The following FUT8 variants were observed in gnomAD, a reference collection of about 807,000 sequenced individuals.
FUT8 encodes the protein alpha-(1,6)-fucosyltransferase.
A neutral mutation model predicts 71.3 loss-of-function variants in FUT8; 29 were observed. That is an observed-to-expected ratio of 0.41 (90% CI 0.30 to 0.55). The LOEUF is 0.55. FUT8 is among the 20% of genes least tolerant of loss of function. The pLI, the probability that FUT8 is intolerant of heterozygous loss-of-function variation, is 0.34. For missense variants in FUT8, 544 were observed against 702.1 expected (o/e 0.77, Z 2.55); for synonymous variants, 254 against 239.3 (o/e 1.06, Z -0.57).
At chr14:65,733,143 G>A (rs918456067) in intron 9 of FUT8, 88 bp from the exon 10 acceptor site, 1 of 772,010 alleles carries the variant, frequency 1.3e-6, no homozygotes, top group Non-Finnish European at 2.0e-6. Flanking sequence ...TCCTTTCTGT[G>A]AGAAGCTCTT....
Position 65,472,909 on chromosome 14 carries a change from AG to A in FUT8, c.-228+17192del, listed in dbSNP as rs2066171065. Among the ~76,000 whole-genome samples, 1 of 152,296 alleles carries A rather than the reference AG, an allele frequency of 6.6e-6. No individual in the cohort carries two copies. The highest frequency in any genetic ancestry group is 1.9e-4 in the East Asian group (1 of 5,192). Reference sequence around the variant, plus strand: ...AAGACATTGTTGTAAATTAAATGTAAGATATAATTTTATTTTCTTTAGAAAA... The same window carrying A: ...AAGACATTGTTGTAAATTAAATGTAAATATAATTTTATTTTCTTTAGAAAA... On this transcript the variant is annotated intron_variant, in intron 2 of 10. Transcript: ENST00000673929. This position sits in a 1 kb window ranked among gnomAD's most constrained non-coding sequence, Gnocchi z 4.4.
the FUT8 span, among the ~76,000 whole-genome samples, chr14:65,398,514 T>A: frequency 1.5e-3 from 221 of 152,014 alleles, no homozygotes; most frequent in African/African-American, 5.1e-3. Flanking sequence ...GGCGGGTGGA[T>A]CACAAGGTCA....
At chr14:65,622,964 C>T (rs894794263) in intron 5 of FUT8, among the ~76,000 whole-genome samples, 1 of 146,524 alleles carries the variant, frequency 6.8e-6, no homozygotes, top group Non-Finnish European at 1.5e-5. Context: ...GGCTGGAGCA[C>T]AGTGGTGCAA....
the FUT8 span, among the ~76,000 whole-genome samples, chr14:65,390,343 T>G: frequency 6.7e-6 from 1 of 148,322 alleles, no homozygotes; most frequent in East Asian, 2.0e-4. Context: ...AAAAAATACA[T>G]GCTTGTAAGT....
the FUT8 span, among the ~76,000 whole-genome samples, chr14:65,359,870 G>A: frequency 6.6e-6 from 1 of 151,952 alleles, no homozygotes; most frequent in Admixed American, 6.6e-5. Context: ...CTATCACCCA[G>A]GCTGGAGTGC....
chr14:65,615,398 C>T lies in FUT8; in HGVS notation c.204-580C>T, dbSNP rs74997778. ...CTGGGATTATAGGCATGAGTGGCTACACCTGGCCCAATTTTTTTCTAATAT... is the reference window on the plus strand; with the variant it reads ...CTGGGATTATAGGCATGAGTGGCTATACCTGGCCCAATTTTTTTCTAATAT... On this transcript the variant is annotated intron_variant, in intron 3 of 10. Transcript: ENST00000673929. Among the ~76,000 whole-genome samples the T allele has an allele frequency of 7.8e-3, 1,188 of 152,270 alleles. 8 individuals carry two copies. Among genetic ancestry groups the T allele is most frequent in the African/African-American group, 0.024 (987 of 41,558 alleles).
chr14:65,373,314 C>T, the FUT8 span, among the ~76,000 whole-genome samples: 1 of 151,176 alleles, frequency 6.6e-6, no homozygotes, highest in Non-Finnish European at 1.5e-5. Context: ...CCTGTCATGT[C>T]CCCCTATCCT....
rs188711949 is a variant in FUT8, at chr14:65,658,766, G to A, written c.598-10477G>A. 3.2e-3 allele frequency among the ~76,000 whole-genome samples: 486 copies of A among 152,156 alleles called. 2 individuals carry two copies. Among genetic ancestry groups the A allele is most frequent in the African/African-American group, 0.01 (436 of 41,546 alleles). On this transcript the variant is annotated intron_variant, in intron 6 of 10. Coordinates refer to ENST00000673929, the MANE Select transcript of FUT8 (RefSeq NM_001371533.1). ...CAGAGATTAAGATTTGGGGAAGAGT[G>A]TACCTCTAAATTGGAAGTATAAGGG...
intron 10 of FUT8, among the ~76,000 whole-genome samples, chr14:65,740,288 T>C (rs1018330480): frequency 6.6e-6 from 1 of 150,842 alleles, no homozygotes; most frequent in South Asian, 2.1e-4. Context: ...TCACTTAATC[T>C]CCTTGTGTTT....
At chr14:65,509,637 C>T (rs1882202613) in intron 2 of FUT8, among the ~76,000 whole-genome samples, 1 of 151,964 alleles carries the variant, frequency 6.6e-6, no homozygotes, top group African/African-American at 2.4e-5. Flanking sequence ...TCTTTCACTT[C>T]TTTGGTTAAT....
intron 7 of FUT8, among the ~76,000 whole-genome samples, chr14:65,715,974 C>CT (rs1895034286): frequency 2.4e-5 from 3 of 127,034 alleles, no homozygotes; most frequent in East Asian, 2.5e-4. Flanking sequence ...GACCCTCTCT[C>CT]AAAAAAAAAA....
chr14:65,414,691 A>G (rs1016965819), intron 1 of FUT8, among the ~76,000 whole-genome samples: 1 of 152,238 alleles, frequency 6.6e-6, no homozygotes, highest in Non-Finnish European at 1.5e-5. Flanking sequence ...TAAGACACGT[A>G]CAAAGGTAGT....
In FUT8 at chr14:65,638,863, C is replaced by T. The variant is rs900694064; in HGVS notation, c.597+9257C>T. 2.0e-5 allele frequency among the ~76,000 whole-genome samples: 3 copies of T among 152,088 alleles called. No individual in the cohort carries two copies. Among genetic ancestry groups the T allele is most frequent in the Non-Finnish European group, 2.9e-5 (2 of 68,010 alleles). ...AGATTGCATTTGTATTTCCGCCTAA[C>T]CAAAATAAAGCCAGAAGTGGTAATA... On this transcript the variant is annotated intron_variant, in intron 6 of 10. Coordinates refer to ENST00000673929, the MANE Select transcript of FUT8 (RefSeq NM_001371533.1). The surrounding 1 kb of genome is among the most constrained non-coding windows in gnomAD (Gnocchi z 4.5).
intron 7 of FUT8, among the ~76,000 whole-genome samples, chr14:65,714,642 G>C (rs1894967241): frequency 6.6e-6 from 1 of 151,968 alleles, no homozygotes; most frequent in African/African-American, 2.4e-5. Context: ...TTTTCATAGG[G>C]ATTGCATTGA....
intron 3 of FUT8, among the ~76,000 whole-genome samples, chr14:65,571,556 C>G (rs1173097580): frequency 6.6e-6 from 1 of 152,094 alleles, no homozygotes; most frequent in Non-Finnish European, 1.5e-5. Context: ...TACACCTGTT[C>G]TATGAATACA....
At chr14:65,423,047 G>A (rs1213685460) in intron 1 of FUT8, among the ~76,000 whole-genome samples, 4 of 147,522 alleles carry the variant, frequency 2.7e-5, no homozygotes, top group African/African-American at 7.5e-5. Context: ...GTGCAGTGGC[G>A]CGATCTCGGC....
At chr14:65,394,084 G>A in the FUT8 span, among the ~76,000 whole-genome samples, 7 of 152,128 alleles carry the variant, frequency 4.6e-5, no homozygotes, top group East Asian at 1.9e-4. Context: ...AGCCTCCCAC[G>A]TAGCTGGGAT....
At chr14:65,520,098 C>T (rs1031833830) in intron 2 of FUT8, among the ~76,000 whole-genome samples, 1 of 152,142 alleles carries the variant, frequency 6.6e-6, no homozygotes, top group Non-Finnish European at 1.5e-5. Flanking sequence ...CATTTAACAA[C>T]ATTTACCTGT....
At chr14:65,573,290 T>G (rs370705312) in intron 3 of FUT8, among the ~76,000 whole-genome samples, 9 of 152,216 alleles carry the variant, frequency 5.9e-5, no homozygotes, top group South Asian at 4.2e-4. Context: ...TAAGGTAAGA[T>G]CATGCTTTCT....
Sources: gnomAD v4.1 joint callset for allele counts (sites outside exome capture counted in the v4.1 genomes callset) on GRCh38, gnomAD v4.1.1 for gene constraint, Gnocchi (gnomAD v3.1) non-coding constraint, MANE v1.5 for transcripts, NCBI Gene and HGNC (gene_info 2026-07-23, HGNC 2026-07-21) for gene names.